The following KRABD3 variants were observed in gnomAD, a reference collection of about 807,000 sequenced individuals.
KRABD3 encodes the protein KRAB domain containing 3, also known as KRAB domain-containing protein 3.
At chr7:149,731,802 C>T in the KRABD3 span, 26 of 1,552,372 alleles carry the variant, frequency 1.7e-5, no homozygotes, top group African/African-American at 1.4e-4. Flanking sequence ...CCCCCATTCC[C>T]TCTGCACGGG....
At chr7:149,724,524 C>G in the KRABD3 span, 1 of 589,366 alleles carries the variant, frequency 1.7e-6, no homozygotes, top group Non-Finnish European at 2.7e-6. Flanking sequence ...TGACAGCAGT[C>G]TGAGCCGGTG....
chr7:149,724,139 A>C, the KRABD3 span, among the ~76,000 whole-genome samples: 1 of 152,234 alleles, frequency 6.6e-6, no homozygotes, highest in African/African-American at 2.4e-5. Context: ...GAAAGTGGGG[A>C]GGGAGCGAGA....
At chr7:149,728,383 C>T in the KRABD3 span, 2 of 1,000,584 alleles carry the variant, frequency 2.0e-6, no homozygotes, top group South Asian at 3.1e-5. Context: ...GCGCCAGAGC[C>T]AGGACTGACA....
chr7:149,725,951 GC>G, the KRABD3 span: 2 of 1,602,678 alleles, frequency 1.2e-6, no homozygotes, highest in South Asian at 2.3e-5. Context: ...GCCCCAGCAG[GC>G]CCCTGGCCCC....
At chr7:149,726,098 GA>G in the KRABD3 span, 1 of 1,574,042 alleles carries the variant, frequency 6.4e-7, no homozygotes, top group Non-Finnish European at 8.6e-7. Flanking sequence ...TTCATCCTGG[GA>G]GAGGACTCAA....
chr7:149,730,395 C>T, the KRABD3 span: 1 of 1,566,754 alleles, frequency 6.4e-7, no homozygotes, highest in Non-Finnish European at 8.7e-7. Context: ...GCGCCAGTCA[C>T]CACTCTGATG....
chr7:149,722,893 C>T, the KRABD3 span: 1 of 1,613,624 alleles, frequency 6.2e-7, no homozygotes, highest in South Asian at 1.1e-5. Context: ...GCCACCTCTC[C>T]CTAGCCTGGG....
At chr7:149,722,754 G>T in the KRABD3 span, 2 of 1,580,804 alleles carry the variant, frequency 1.3e-6, no homozygotes, top group South Asian at 2.4e-5. Context: ...GGACTGCACT[G>T]ACCCAGGCCC....
the KRABD3 span, chr7:149,731,586 A>G: frequency 2.1e-6 from 2 of 969,298 alleles, no homozygotes; most frequent in Non-Finnish European, 3.2e-6. Flanking sequence ...AAAAGTTGAG[A>G]GTTTGATATT....
At chr7:149,725,139 G>A in the KRABD3 span, among the ~76,000 whole-genome samples, 1 of 152,192 alleles carries the variant, frequency 6.6e-6, no homozygotes, top group Non-Finnish European at 1.5e-5. Context: ...GGAGCAGGGT[G>A]GGGGGCGAGA....
the KRABD3 span, chr7:149,724,873 T>G: frequency 6.5e-7 from 1 of 1,527,652 alleles, no homozygotes; most frequent in Non-Finnish European, 8.8e-7. Context: ...TTGGCTGCTC[T>G]GGTGGTCTTC....
chr7:149,728,443 C>T, the KRABD3 span: 1 of 1,511,580 alleles, frequency 6.6e-7, no homozygotes. Flanking sequence ...TCCCTGGACA[C>T]AGCAGAAGAC....
the KRABD3 span, chr7:149,723,681 A>G: frequency 5.1e-6 from 8 of 1,570,326 alleles, no homozygotes; most frequent in African/African-American, 1.4e-5. Context: ...GTTGTTTGTC[A>G]TGAAGGCTGA....
At chr7:149,731,814 C>T in the KRABD3 span, 1 of 1,500,174 alleles carries the variant, frequency 6.7e-7, no homozygotes, top group Non-Finnish European at 9.1e-7. Context: ...CTGCACGGGC[C>T]AGGACCCAGA....
the KRABD3 span, chr7:149,733,743 C>G: frequency 6.3e-7 from 1 of 1,585,922 alleles, no homozygotes; most frequent in Non-Finnish European, 8.6e-7. Flanking sequence ...CACTGCAGCT[C>G]TTCCCAGCAG....
At chr7:149,717,731 T>G in the KRABD3 span, among the ~76,000 whole-genome samples, 1 of 152,128 alleles carries the variant, frequency 6.6e-6, no homozygotes, top group Non-Finnish European at 1.5e-5. Flanking sequence ...CACTGGTAAG[T>G]GTGACTGCAT....
the KRABD3 span, chr7:149,733,308 C>T: frequency 6.2e-7 from 1 of 1,612,596 alleles, no homozygotes; most frequent in Non-Finnish European, 8.5e-7. Flanking sequence ...CCTGTGTTGC[C>T]AGCCTCCTCC....
the KRABD3 span, among the ~76,000 whole-genome samples, chr7:149,716,086 G>C: frequency 6.6e-6 from 1 of 152,202 alleles, no homozygotes; most frequent in African/African-American, 2.4e-5. Context: ...GAGCAGGGAG[G>C]GTTCCCAGAA....
At chr7:149,722,402 C>G in the KRABD3 span, 2 of 1,593,554 alleles carry the variant, frequency 1.3e-6, no homozygotes, top group Non-Finnish European at 1.7e-6. Flanking sequence ...GAAAGGCCCT[C>G]TTGTCTTCTC....
Sources: allele counts gnomAD v4.1 joint callset (sites outside exome capture counted in the v4.1 genomes callset), GRCh38; gene constraint gnomAD v4.1.1; transcripts MANE v1.5; gene names NCBI Gene and HGNC (gene_info 2026-07-23, HGNC 2026-07-21).